DOCK4: variants seen among roughly 807,000 people sequenced by gnomAD.
DOCK4 encodes dedicator of cytokinesis protein 4.
A neutral mutation model predicts 268.1 loss-of-function variants in DOCK4; 97 were observed. That is an observed-to-expected ratio of 0.36 (90% CI 0.31 to 0.43). DOCK4 has a LOEUF of 0.43. Among genes scored for constraint, DOCK4 ranks in the 20% least tolerant of loss-of-function variants. The pLI is 1.00. For missense variants in DOCK4, 2,145 were observed against 2,455.7 expected (o/e 0.87, Z 2.67); for synonymous variants, 954 against 887.2 (o/e 1.08, Z -1.34).
At chr7:112,051,039 TAAAC>T (rs1372480533) in intron 1 of DOCK4, among the ~76,000 whole-genome samples, 1 of 152,060 alleles carries the variant, frequency 6.6e-6, no homozygotes, top group Non-Finnish European at 1.5e-5. Context: ...CAGTTAAAAA[TAAAC>T]AAAGAAGAGA....
intron 2 of DOCK4, among the ~76,000 whole-genome samples, chr7:112,002,565 T>C (rs1359328862): frequency 6.6e-6 from 1 of 152,208 alleles, no homozygotes; most frequent in African/African-American, 2.4e-5. Flanking sequence ...ATCACCAGCA[T>C]CTAATGCTAG....
intron 5 of DOCK4, among the ~76,000 whole-genome samples, chr7:111,993,303 T>C (rs1382811829): frequency 1.3e-5 from 2 of 152,208 alleles, no homozygotes; most frequent in African/African-American, 4.8e-5. Context: ...ATTAATCCCT[T>C]CAAATGATTA....
chr7:111,748,483 C>CAT (rs1796422511), intron 42 of DOCK4, among the ~76,000 whole-genome samples: 1 of 152,162 alleles, frequency 6.6e-6, no homozygotes, highest in Non-Finnish European at 1.5e-5. Flanking sequence ...CAAAGGAATA[C>CAT]ATTCAAATGG....
chr7:111,799,668 CTAAG>C (rs1437294909), intron 30 of DOCK4, among the ~76,000 whole-genome samples: 3 of 152,148 alleles, frequency 2.0e-5, no homozygotes, highest in African/African-American at 4.8e-5. Context: ...AAATAAGTAA[CTAAG>C]TAAGGGCTAT....
chr7:111,953,232 C>T (rs62474276), intron 8 of DOCK4, among the ~76,000 whole-genome samples: 1 of 151,456 alleles, frequency 6.6e-6, no homozygotes, highest in Admixed American at 6.6e-5. Context: ...ATTAACTACG[C>T]TGTTTGAAGA....
chr7:112,069,182 A>G (rs1440073991), intron 1 of DOCK4, among the ~76,000 whole-genome samples: 3 of 152,142 alleles, frequency 2.0e-5, no homozygotes, highest in African/African-American at 7.2e-5. Flanking sequence ...ACGTAACACC[A>G]AGTTTGTACA....
At chr7:112,133,731 G>A (rs1814037510) in intron 1 of DOCK4, among the ~76,000 whole-genome samples, 1 of 152,110 alleles carries the variant, frequency 6.6e-6, no homozygotes, top group Admixed American at 6.5e-5. Flanking sequence ...AAAAAAATAC[G>A]TAAATAGAAA....
At chr7:111,819,573 T>C (rs983581869) in intron 27 of DOCK4, 2 of 152,166 alleles carry the variant, frequency 1.3e-5, no homozygotes, top group Non-Finnish European at 2.9e-5. Flanking sequence ...AGGTGTCTGG[T>C]CACAAACTCT....
At chr7:112,109,634 TAAC>T (rs1811448004) in intron 1 of DOCK4, among the ~76,000 whole-genome samples, 1 of 152,190 alleles carries the variant, frequency 6.6e-6, no homozygotes, top group South Asian at 2.1e-4. Context: ...CCTCAAGTTT[TAAC>T]AAGTTCGAAG....
chr7:111,994,422 C>G (rs188834701), intron 4 of DOCK4, among the ~76,000 whole-genome samples, 191 bp from the exon 5 acceptor site: 105 of 152,226 alleles, frequency 6.9e-4, no homozygotes, highest in Admixed American at 2.9e-3. Flanking sequence ...ACCAGAACAA[C>G]CAGCCACTTC....
At chr7:112,032,178 A>G (rs1034738349) in intron 1 of DOCK4, among the ~76,000 whole-genome samples, 9 of 152,188 alleles carry the variant, frequency 5.9e-5, no homozygotes, top group African/African-American at 2.2e-4. Context: ...ATCTTGGAGG[A>G]AAAGTATTTT....
At chr7:111,740,856 A>C (rs1795871667) in intron 47 of DOCK4, among the ~76,000 whole-genome samples, 1 of 149,378 alleles carries the variant, frequency 6.7e-6, no homozygotes, top group Non-Finnish European at 1.5e-5. Flanking sequence ...AACCTTGTGC[A>C]GCGTGCCTAG....
At chr7:111,746,722 G>A (rs1796293705) in intron 43 of DOCK4, among the ~76,000 whole-genome samples, 1 of 151,894 alleles carries the variant, frequency 6.6e-6, no homozygotes. Context: ...GACCTAGATG[G>A]TGGCCTTACC....
rs373378965 is a variant in DOCK4 at position 112,025,655 on chromosome 7, A to G, written c.38-21524T>C. The stretch of plus-strand genomic sequence containing the variant: ...ACCCTTCAATGGATCCTCAAGACCA[A>G]TGAAATAAAGTGCTAACCCTCTGTG... On this transcript the variant is annotated intron_variant, in intron 1 of 52. Coordinates refer to ENST00000428084, the MANE Select transcript of DOCK4 (RefSeq NM_001363540.2). 1.8e-4 allele frequency among the ~76,000 whole-genome samples: 28 copies of G among 152,284 alleles called. No individual in the cohort carries two copies. The South Asian group carries it at 4.6e-3, about 25-fold the overall frequency.
chr7:112,126,264 T>C (rs995132514), intron 1 of DOCK4, among the ~76,000 whole-genome samples: 2 of 152,236 alleles, frequency 1.3e-5, no homozygotes, highest in Non-Finnish European at 2.9e-5. Context: ...TAATCAAGAA[T>C]CATGCTATTT....
intron 42 of DOCK4, among the ~76,000 whole-genome samples, chr7:111,750,708 A>C (rs1796577823): frequency 6.6e-6 from 1 of 152,176 alleles, no homozygotes; most frequent in Non-Finnish European, 1.5e-5. Context: ...CCTGCATCGA[A>C]CTTGACAATC....
intron 1 of DOCK4, among the ~76,000 whole-genome samples, chr7:112,068,695 A>G (rs1007923900): frequency 6.6e-6 from 1 of 152,182 alleles, no homozygotes; most frequent in Admixed American, 6.5e-5. Context: ...AGCGAGACTC[A>G]TCTTTCTAGA....
chr7:111,733,889 T>C (rs1795286109), intron 51 of DOCK4, among the ~76,000 whole-genome samples: 1 of 152,214 alleles, frequency 6.6e-6, no homozygotes, highest in African/African-American at 2.4e-5. Flanking sequence ...CAAAAATTAT[T>C]GGTGACTTGA....
chr7:112,200,779 T>C (rs1222343530), intron 1 of DOCK4, among the ~76,000 whole-genome samples: 1 of 143,938 alleles, frequency 6.9e-6, no homozygotes, highest in Non-Finnish European at 1.5e-5. Context: ...AGCATCTCTA[T>C]GTGGCTTCAG....
Sources: allele counts gnomAD v4.1 joint callset (sites outside exome capture counted in the v4.1 genomes callset), GRCh38; gene constraint gnomAD v4.1.1; transcripts MANE v1.5; gene names NCBI Gene and HGNC (gene_info 2026-07-23, HGNC 2026-07-21).